The following ZSWIM5 variants were observed in gnomAD, a reference collection of about 807,000 sequenced individuals.
The protein encoded by ZSWIM5 is zinc finger SWIM domain-containing protein 5.
Under a neutral mutation model 119.6 loss-of-function variants are expected in ZSWIM5, and 55 were observed. The observed-to-expected ratio is 0.46, with a 90% CI of 0.37 to 0.58. ZSWIM5 has a LOEUF of 0.58. ZSWIM5 is among the 20% of genes least tolerant of loss of function. ZSWIM5 has a pLI of 0.00. For missense variants in ZSWIM5, 1,193 were observed against 1,512.8 expected, an observed-to-expected ratio of 0.79 and a Z score of 3.51; for synonymous variants, 537 against 606.9, an observed-to-expected ratio of 0.88 and a Z score of 1.69.
chr1:45,167,289 G>C (rs984423505), intron 1 of ZSWIM5, among the ~76,000 whole-genome samples: 2 of 151,614 alleles, frequency 1.3e-5, no homozygotes, highest in Non-Finnish European at 2.9e-5. Flanking sequence ...GCTGAAACTG[G>C]ATCCCTTCCT....
chr1:45,146,431 CTTTT>C (rs35073818), intron 1 of ZSWIM5, among the ~76,000 whole-genome samples: 7 of 45,900 alleles, frequency 1.5e-4, no homozygotes, highest in African/African-American at 7.5e-4. Flanking sequence ...TGTTTCTAGA[CTTTT>C]TTTTTTTTTT....
In ZSWIM5 at chr1:45,036,236, C is replaced by A; in HGVS notation, c.1958G>T (p.Ser653Ile). 1 of 1,614,084 alleles carries A rather than the reference C, an allele frequency of 6.2e-7. No individual in the cohort carries two copies. The highest frequency in any genetic ancestry group is 8.5e-7 in the Non-Finnish European group (1 of 1,180,030). The change falls in exon 9 of 14, where the codon AGC (serine) becomes ATC (isoleucine). Residue 653 changes from serine to isoleucine, a missense_variant. Around this residue, in one of 2 missense-constraint regions of ZSWIM5, gnomAD observed 961 missense variants for 1,290.0 expected, o/e 0.74. Transcript: ENST00000359600. ...GGCCAATGACAGGTAGGACTCACTGCTGTTTGGGGAGCCTGCAGCCACAGG... is the reference window on the plus strand; with the variant it reads ...GGCCAATGACAGGTAGGACTCACTGATGTTTGGGGAGCCTGCAGCCACAGG... The part of the protein sequence containing the change: ...HVPVAAGSPN[S>I]SESYLSLALE...
At chr1:45,188,643 C>A (rs1241018434) in intron 1 of ZSWIM5, among the ~76,000 whole-genome samples, 2 of 152,166 alleles carry the variant, frequency 1.3e-5, no homozygotes, top group Non-Finnish European at 2.9e-5. Flanking sequence ...GCTGTAAGGT[C>A]CCCTCATTCC....
rs151216925 is a variant in ZSWIM5, at chr1:45,030,169, C to T, written c.2449+4143G>A. ...ATGTTGCCCAGGCTGGTCTCAAACT[C>T]CTGTCCTCTAGTGATCTTCCCACCT... On this transcript the variant is annotated intron_variant, in intron 11 of 13. Transcript: ENST00000359600. Among the ~76,000 whole-genome samples, 216 of 152,158 alleles carry T rather than the reference C, an allele frequency of 1.4e-3. 2 individuals are homozygous for T. The highest frequency in any genetic ancestry group is 4.8e-3 in the African/African-American group (199 of 41,504).
chr1:45,195,783 T>C (rs1223092510), intron 1 of ZSWIM5, among the ~76,000 whole-genome samples: 2 of 151,994 alleles, frequency 1.3e-5, no homozygotes, highest in African/African-American at 4.8e-5. Flanking sequence ...TCCATAGCAT[T>C]TGTAGAATAA....
chr1:45,190,926 A>AT (rs1557794312), intron 1 of ZSWIM5, among the ~76,000 whole-genome samples: 4 of 72,200 alleles, frequency 5.5e-5, no homozygotes, highest in African/African-American at 1.7e-4. Flanking sequence ...AAATAGCTGG[A>AT]ATTTTTTTTT....
chr1:45,196,276 G>A (rs2149055431), intron 1 of ZSWIM5, among the ~76,000 whole-genome samples: 1 of 150,810 alleles, frequency 6.6e-6, no homozygotes, highest in South Asian at 2.1e-4. Flanking sequence ...ATTCTCAGCA[G>A]ATTCTGACGT....
intron 2 of ZSWIM5, among the ~76,000 whole-genome samples, chr1:45,083,413 G>C (rs533896586): frequency 3.3e-5 from 5 of 152,038 alleles, no homozygotes; most frequent in Non-Finnish European, 7.4e-5. Context: ...ACCATGCCTA[G>C]CTAATTTTTT....
intron 2 of ZSWIM5, among the ~76,000 whole-genome samples, chr1:45,087,179 T>G (rs1645335892): frequency 2.6e-5 from 4 of 152,146 alleles, no homozygotes; most frequent in South Asian, 2.1e-4. Flanking sequence ...CCACTGTGCC[T>G]GGCCCCTTCT....
chr1:45,060,094 C>A lies in ZSWIM5; in HGVS notation c.1101+5G>T. ...ACAAAAGAAAAACACCTTTTCATATCTTACCTTGGCAAACATTGAGTTGAG... is the reference window on the plus strand; with the variant it reads ...ACAAAAGAAAAACACCTTTTCATATATTACCTTGGCAAACATTGAGTTGAG... On this transcript the variant is annotated splice_donor_5th_base_variant and intron_variant, in intron 3 of 13. Transcript: ENST00000359600. 1 of 1,614,110 alleles carries A rather than the reference C, an allele frequency of 6.2e-7. No individual in the cohort carries two copies. The highest frequency in any genetic ancestry group is 8.5e-7 in the Non-Finnish European group (1 of 1,179,998).
intron 1 of ZSWIM5, among the ~76,000 whole-genome samples, chr1:45,138,335 T>C (rs1369300682): frequency 6.6e-6 from 1 of 151,790 alleles, no homozygotes; most frequent in Non-Finnish European, 1.5e-5. Context: ...AAAATCCCCA[T>C]GTCTACTAAA....
intron 1 of ZSWIM5, among the ~76,000 whole-genome samples, chr1:45,115,127 T>C (rs909318722): frequency 9.2e-5 from 14 of 152,266 alleles, no homozygotes; most frequent in African/African-American, 3.4e-4. Context: ...ACCGCCATCG[T>C]CATCATGGCC....
chr1:45,035,702 G>A lies in ZSWIM5; in HGVS notation c.2277C>T (p.Ala759=), dbSNP rs1338182552. ...PHDPDLSYKL[A]LRAMRLPVLE... Reference sequence around the variant, plus strand: ...GGGCTACCCACCTCATGGCACGTAAGGCTAATTTATAGGACAGGTCTGGAT... The same window carrying A: ...GGGCTACCCACCTCATGGCACGTAAAGCTAATTTATAGGACAGGTCTGGAT... The change falls in exon 10 of 14, where the codon GCC becomes GCT. Residue 759 remains alanine, a synonymous_variant. Coordinates refer to ENST00000359600, the MANE Select transcript of ZSWIM5 (RefSeq NM_020883.2). The A allele has an allele frequency of 1.2e-6, 2 of 1,613,608 alleles. No homozygotes were observed. The highest frequency in any genetic ancestry group is 1.3e-5 in the African/African-American group (1 of 74,900).
intron 2 of ZSWIM5, chr1:45,070,457 T>C (rs1327866166): frequency 3.5e-6 from 4 of 1,136,060 alleles, no homozygotes; most frequent in African/African-American, 3.1e-5. Flanking sequence ...CTGTTCTCCA[T>C]AGGAATTTTA....
rs138205104 is a variant in ZSWIM5 at position 45,181,136 on chromosome 1, G to A, written c.595+24620C>T. Among the ~76,000 whole-genome samples, 1,041 of 152,170 alleles carry A rather than the reference G, an allele frequency of 6.8e-3. 11 individuals are homozygous for A. The highest frequency in any genetic ancestry group is 0.022 in the African/African-American group (913 of 41,522). On this transcript the variant is annotated intron_variant, in intron 1 of 13. Coordinates refer to ENST00000359600, the MANE Select transcript of ZSWIM5 (RefSeq NM_020883.2). ...AGGCTTCAGATGATCAAACTACTCC[G>A]AGCTAAAGGAGGAAATTCAAACCAA...
intron 8 of ZSWIM5, among the ~76,000 whole-genome samples, chr1:45,038,016 T>G (rs1644995827): frequency 6.6e-6 from 1 of 152,220 alleles, no homozygotes; most frequent in Non-Finnish European, 1.5e-5. Flanking sequence ...TAGCTGACAG[T>G]CTAGTAAGAG....
chr1:45,186,061 C>G (rs1391389259), intron 1 of ZSWIM5, among the ~76,000 whole-genome samples: 2 of 151,674 alleles, frequency 1.3e-5, no homozygotes, highest in Non-Finnish European at 2.9e-5. Context: ...CCATGGAATA[C>G]TATGCAGCCA....
intron 1 of ZSWIM5, among the ~76,000 whole-genome samples, chr1:45,149,613 G>A (rs1343429594): frequency 6.6e-6 from 1 of 152,122 alleles, no homozygotes; most frequent in Non-Finnish European, 1.5e-5. Context: ...AAGGATGAAA[G>A]AACATACATA....
chr1:45,135,024 A>G (rs375142834), intron 1 of ZSWIM5, among the ~76,000 whole-genome samples: 2 of 152,148 alleles, frequency 1.3e-5, no homozygotes, highest in Non-Finnish European at 2.9e-5. Flanking sequence ...GTCTATTGTG[A>G]ATAATGCTAC....
Sources: allele counts gnomAD v4.1 joint callset (sites outside exome capture counted in the v4.1 genomes callset), GRCh38; gene constraint gnomAD v4.1.1; regional missense constraint gnomAD v4.1.1; transcripts MANE v1.5; gene names NCBI Gene and HGNC (gene_info 2026-07-23, HGNC 2026-07-21).